The following PTPRT variants were observed in gnomAD, a reference collection of about 807,000 sequenced individuals.
PTPRT encodes protein tyrosine phosphatase receptor type T.
In PTPRT, 56 loss-of-function variants were observed where a neutral mutation model predicts 176.8. That is an observed-to-expected ratio of 0.32 (90% confidence interval 0.26 to 0.40). The LOEUF (loss-of-function observed/expected upper bound fraction) is 0.40. Ranked by LOEUF, PTPRT falls within the 10% of genes least tolerant of loss-of-function variation. The pLI, the probability that PTPRT is intolerant of heterozygous loss-of-function variation, is 1.00. For synonymous variants in PTPRT, 783 were observed against 739.0 expected, an observed-to-expected ratio of 1.06 and a Z score of -0.96; for missense variants, 1,540 against 1,908.2, an observed-to-expected ratio of 0.81 and a Z score of 3.60.
chr20:42,472,322 G>C lies in PTPRT; in HGVS notation c.1394C>G (p.Ser465Cys), dbSNP rs2071211528. 2 of 1,614,116 alleles carry C rather than the reference G, an allele frequency of 1.2e-6. No homozygotes were observed. Among genetic ancestry groups the C allele is most frequent in the Non-Finnish European group, 1.7e-6 (2 of 1,180,050 alleles). The change falls in exon 8 of 31, where the codon TCT (serine) becomes TGT (cysteine). Residue 465 changes from serine to cysteine, a missense_variant. Around this residue, in one of 11 missense-constraint regions of PTPRT, gnomAD observed 79 missense variants for 80.0 expected, o/e 0.99. Coordinates refer to ENST00000373187, the MANE Select transcript of PTPRT (RefSeq NM_007050.6). ...FMTIRLRLLLSNPEGRMESEE... is the reference protein window; with the variant it reads ...FMTIRLRLLLCNPEGRMESEE... ...GCTCTCCATTCGGCCCTCGGGGTTA[G>C]ACAGCAAGAGTCGCAGCCGGATGGT...
chr20:42,846,978 C>T (rs1432903611), intron 2 of PTPRT, among the ~76,000 whole-genome samples: 2 of 152,130 alleles, frequency 1.3e-5, no homozygotes, highest in East Asian at 1.9e-4. Flanking sequence ...AACAATGGGG[C>T]CATTCTATGC....
At chr20:42,351,145 C>G (rs935150966) in intron 10 of PTPRT, among the ~76,000 whole-genome samples, 1 of 151,558 alleles carries the variant, frequency 6.6e-6, no homozygotes, top group African/African-American at 2.4e-5. Context: ...GACCTCCCTT[C>G]CCTCATACTC....
chr20:42,438,586 A>C (rs2059284146), intron 9 of PTPRT, among the ~76,000 whole-genome samples: 1 of 152,224 alleles, frequency 6.6e-6, no homozygotes, highest in South Asian at 2.1e-4. Context: ...CAATTATATG[A>C]GTGTATACAT....
intron 7 of PTPRT, among the ~76,000 whole-genome samples, chr20:42,592,776 C>CTAT: frequency 6.6e-6 from 1 of 152,232 alleles, no homozygotes; most frequent in Admixed American, 6.5e-5. Flanking sequence ...ATCATGAGGC[C>CTAT]TCTGAGGACT....
intron 7 of PTPRT, among the ~76,000 whole-genome samples, chr20:42,579,703 CTT>C (rs2073336054): frequency 6.6e-6 from 1 of 152,100 alleles, no homozygotes; most frequent in African/African-American, 2.4e-5. Flanking sequence ...GCAAAAATGT[CTT>C]CTTTTAAGAA....
intron 6 of PTPRT, among the ~76,000 whole-genome samples, chr20:42,701,709 T>G (rs757980610): frequency 6.6e-6 from 1 of 152,078 alleles, no homozygotes; most frequent in Non-Finnish European, 1.5e-5. Context: ...ATGTCCGCAA[T>G]TGGAGAATGT....
At chr20:42,248,844 T>G in intron 13 of PTPRT, 22 bp from the exon 14 acceptor site, 1 of 1,611,080 alleles carries the variant, frequency 6.2e-7, no homozygotes, top group Non-Finnish European at 8.5e-7. Context: ...AAGGGAAGGA[T>G]AGCAATGTTG....
Position 42,080,634 on chromosome 20 carries a change from G to A in PTPRT, c.*245C>T, listed in dbSNP as rs1983229326. 2.6e-6 allele frequency: 1 copy of A among 383,028 alleles called. No homozygotes were observed. The highest frequency in any genetic ancestry group is 4.1e-5 in the Admixed American group (1 of 24,492). 23.7% of individuals were successfully genotyped at this position (383,028 alleles called of 1,614,324 possible). On this transcript the variant is annotated 3_prime_UTR_variant, in exon 31 of 31. Transcript: ENST00000373187. ...TGCTTGTGGGTGTACTTCTGCTTGG[G>A]CCCTTGGCTGTGGCTGGTTAGGTTG...
At chr20:42,758,247 T>C (rs961337254) in intron 5 of PTPRT, among the ~76,000 whole-genome samples, 2 of 152,336 alleles carry the variant, frequency 1.3e-5, no homozygotes, top group African/African-American at 4.8e-5. Context: ...CGATCTTCAT[T>C]GTTTCCTGCA....
chr20:42,827,378 T>C (rs1333249871), intron 2 of PTPRT, among the ~76,000 whole-genome samples: 1 of 152,090 alleles, frequency 6.6e-6, no homozygotes, highest in Non-Finnish European at 1.5e-5. Flanking sequence ...GCAATAAAAA[T>C]AGAAGTCAAC....
At chr20:42,568,295 C>T (rs1237943685) in intron 7 of PTPRT, among the ~76,000 whole-genome samples, 1 of 152,034 alleles carries the variant, frequency 6.6e-6, no homozygotes, top group Non-Finnish European at 1.5e-5. Context: ...TGCCTACTGG[C>T]TGCCAGGCAA....
intron 12 of PTPRT, among the ~76,000 whole-genome samples, chr20:42,283,955 T>A (rs1323390918): frequency 1.3e-5 from 2 of 152,112 alleles, no homozygotes; most frequent in Non-Finnish European, 2.9e-5. Flanking sequence ...ATAGTCTTGA[T>A]TCTTTTCCTC....
chr20:42,058,303 G>C, the PTPRT span, among the ~76,000 whole-genome samples: 1 of 152,186 alleles, frequency 6.6e-6, no homozygotes, highest in Non-Finnish European at 1.5e-5. Context: ...AGTTCAAGAT[G>C]TGACACATCT....
intron 1 of PTPRT, among the ~76,000 whole-genome samples, chr20:42,970,611 T>A (rs983485621): frequency 1.3e-5 from 2 of 152,226 alleles, no homozygotes; most frequent in South Asian, 2.1e-4. Context: ...TGAGATTGTA[T>A]TTAAAGCATT....
chr20:42,350,213 T>C (rs2058255845), intron 11 of PTPRT, among the ~76,000 whole-genome samples: 1 of 112,062 alleles, frequency 8.9e-6, no homozygotes. Flanking sequence ...GGATGTTTCT[T>C]GTTTTTTTTT....
At chr20:42,724,729 T>C (rs1162143247) in intron 6 of PTPRT, among the ~76,000 whole-genome samples, 2 of 152,310 alleles carry the variant, frequency 1.3e-5, no homozygotes, top group South Asian at 2.1e-4. Context: ...GGCCAGGAGC[T>C]CAAGGCTGCA....
intron 16 of PTPRT, among the ~76,000 whole-genome samples, chr20:42,184,529 T>TTCTTCCTCTTCC (rs1164664002): frequency 9.9e-6 from 1 of 101,350 alleles, no homozygotes; most frequent in Non-Finnish European, 2.0e-5. Flanking sequence ...CTTCTTCTTC[T>TTCTTCCTCTTCC]TCTTCCTCTT....
chr20:42,265,808 C>A (rs2056829987), intron 13 of PTPRT, among the ~76,000 whole-genome samples: 1 of 152,210 alleles, frequency 6.6e-6, no homozygotes, highest in Non-Finnish European at 1.5e-5. Context: ...TCATCATCTT[C>A]TCTTGGCCCA....
chr20:42,286,669 T>C (rs2057235383), intron 12 of PTPRT, among the ~76,000 whole-genome samples: 2 of 151,676 alleles, frequency 1.3e-5, no homozygotes. Flanking sequence ...AAACCAAACA[T>C]ATGACACTGA....
Sources: allele counts gnomAD v4.1 joint callset (sites outside exome capture counted in the v4.1 genomes callset), GRCh38; gene constraint gnomAD v4.1.1; regional missense constraint gnomAD v4.1.1; transcripts MANE v1.5; gene names NCBI Gene and HGNC (gene_info 2026-07-23, HGNC 2026-07-21).